RAB4B: variants seen among roughly 807,000 people sequenced by gnomAD.
RAB4B encodes the protein RAB4B, member RAS oncogene family.
RAB4B carries 15 observed loss-of-function variants against 28.3 expected under a neutral mutation model. That is an observed-to-expected ratio of 0.53 (90% CI 0.35 to 0.82). The LOEUF (loss-of-function observed/expected upper bound fraction) is 0.82, where lower values mean the gene tolerates loss of function less well. Among genes scored for constraint, RAB4B ranks in the 40% least tolerant of loss-of-function variants. RAB4B has a pLI of 0.01. For missense variants in RAB4B, 244 were observed against 288.5 expected, an observed-to-expected ratio of 0.85 and a Z score of 1.12; for synonymous variants, 108 against 116.3, an observed-to-expected ratio of 0.93 and a Z score of 0.46.
At chr19:40,779,158 A>G in intron 1 of RAB4B, 1 of 306,164 alleles carries the variant, frequency 3.3e-6, no homozygotes, top group Non-Finnish European at 4.8e-6. Context: ...AACAAGGGCT[A>G]TATCGTAGTC....
At chr19:40,788,364 G>A (rs1440992252) in intron 7 of RAB4B, among the ~76,000 whole-genome samples, 1 of 151,594 alleles carries the variant, frequency 6.6e-6, no homozygotes, top group Non-Finnish European at 1.5e-5. Context: ...TGCACCTGGA[G>A]TCCCAGCTAC....
At chr19:40,784,313 G>T (rs1568492550) in intron 5 of RAB4B, among the ~76,000 whole-genome samples, 1 of 152,134 alleles carries the variant, frequency 6.6e-6, no homozygotes, top group Non-Finnish European at 1.5e-5. Context: ...ACAACACAGT[G>T]AGATCCTATC....
chr19:40,793,175 C>G (rs1267805677), intron 7 of RAB4B, among the ~76,000 whole-genome samples: 2 of 152,122 alleles, frequency 1.3e-5, no homozygotes, highest in African/African-American at 4.8e-5. Flanking sequence ...CTCCATTTCC[C>G]CCAACCCCTA....
rs528247233 is a variant in RAB4B, at chr19:40,787,057, T to C, written c.*15+79T>C. The C allele has an allele frequency of 1.2e-5, 14 of 1,212,358 alleles. No homozygotes were observed. In the African/African-American group the frequency reaches 1.9e-4, roughly 17 times the overall value. The allele number at this position is 1,212,358 out of a possible 1,614,324, so 75.1% of individuals were successfully genotyped here. A position where few individuals can be genotyped will look rare whatever the true frequency, so the allele number is the denominator to read the frequency against. On this transcript the variant is annotated intron_variant, in intron 7 of 7. Transcript: ENST00000357052. Reference sequence around the variant, plus strand: ...ATGGTGTGGAGATAGACACTGAACATGTGATGACAAGAGAAACAGAGTGAG... The same window carrying C: ...ATGGTGTGGAGATAGACACTGAACACGTGATGACAAGAGAAACAGAGTGAG...
intron 7 of RAB4B, chr19:40,792,355 G>C (rs182049591): frequency 6.6e-6 from 1 of 152,342 alleles, no homozygotes; most frequent in East Asian, 1.9e-4. Flanking sequence ...TGATGGTCAA[G>C]ACTTGATCGA....
rs1365003056 is a variant in RAB4B at position 40,780,432 on chromosome 19, G to T, written c.145G>T (p.Val49Leu). Reference sequence around the variant, plus strand: ...AATCGGCGTGGAGTTTGGATCCCGGGTGGTCAACGTGGGTGGGAAGACTGT... The same window carrying T: ...AATCGGCGTGGAGTTTGGATCCCGGTTGGTCAACGTGGGTGGGAAGACTGT... The part of the protein sequence containing the change: ...HTIGVEFGSR[V>L]VNVGGKTVKL... The change falls in exon 3 of 8, where the codon GTG becomes TTG. Residue 49 changes from valine (V) to leucine (L), a missense_variant. Val to Leu is a conservative substitution (Grantham distance 32). Transcript: ENST00000357052. The T allele has an allele frequency of 1.2e-6, 2 of 1,613,682 alleles. No homozygotes were observed. The highest frequency in any genetic ancestry group is 1.7e-6 in the Non-Finnish European group (2 of 1,179,838).
At chr19:40,790,094 C>A (rs1022898906) in intron 7 of RAB4B, among the ~76,000 whole-genome samples, 1 of 152,128 alleles carries the variant, frequency 6.6e-6, no homozygotes, top group African/African-American at 2.4e-5. Flanking sequence ...CTGGCTTATA[C>A]CCTGTGTGGG....
chr19:40,787,300 C>T (rs897435165), intron 7 of RAB4B, among the ~76,000 whole-genome samples: 12 of 151,850 alleles, frequency 7.9e-5, no homozygotes, highest in Non-Finnish European at 1.2e-4. Context: ...TTTGGAAGGC[C>T]GAGGCGGGCG....
chr19:40,788,762 A>C (rs2083127330), intron 7 of RAB4B, among the ~76,000 whole-genome samples: 2 of 136,904 alleles, frequency 1.5e-5, no homozygotes, highest in Admixed American at 1.5e-4. Context: ...AATTTTTTTT[A>C]ATTTTTATAG....
chr19:40,780,674 T>C (rs535051038), intron 3 of RAB4B, among the ~76,000 whole-genome samples, 175 bp downstream of exon 3: 221 of 151,308 alleles, frequency 1.5e-3, no homozygotes, highest in Middle Eastern at 0.01. Flanking sequence ...ACTGGAGAGA[T>C]AAAGAGATGG....
At chr19:40,789,030 T>A (rs1422455835) in intron 7 of RAB4B, among the ~76,000 whole-genome samples, 1 of 151,798 alleles carries the variant, frequency 6.6e-6, no homozygotes, top group Non-Finnish European at 1.5e-5. Flanking sequence ...TCTGCCCGCC[T>A]CGGCCTCTCA....
intron 7 of RAB4B, among the ~76,000 whole-genome samples, chr19:40,787,566 AGATGG>A (rs1368288506): frequency 6.8e-6 from 1 of 147,180 alleles, no homozygotes; most frequent in Non-Finnish European, 1.5e-5. Flanking sequence ...GGTCAGGACC[AGATGG>A]GGAGGCACTG....
chr19:40,787,917 C>G (rs889770433), intron 7 of RAB4B, among the ~76,000 whole-genome samples: 22 of 137,478 alleles, frequency 1.6e-4, no homozygotes, highest in Admixed American at 1.3e-3. Flanking sequence ...AGCCAAGATT[C>G]AGCCACTGCA....
chr19:40,781,273 C>T (rs901043684), intron 3 of RAB4B, among the ~76,000 whole-genome samples: 11 of 146,484 alleles, frequency 7.5e-5, no homozygotes, highest in Admixed American at 4.1e-4. Flanking sequence ...GGTGACAGAG[C>T]GAGACTCTGT....
chr19:40,790,925 G>A (rs2083153454), intron 7 of RAB4B, among the ~76,000 whole-genome samples: 3 of 149,646 alleles, frequency 2.0e-5, no homozygotes, highest in South Asian at 2.1e-4. Context: ...GTGCAGTCTC[G>A]GCTCACTGCA....
chr19:40,780,360 C>T, intron 2 of RAB4B, 25 bp from the exon 3 acceptor site: 1 of 1,573,538 alleles, frequency 6.4e-7, no homozygotes, highest in South Asian at 1.1e-5. Context: ...CCCTGTACTG[C>T]CCCTTCTGTT....
chr19:40,788,559 C>T (rs1408925560), intron 7 of RAB4B, among the ~76,000 whole-genome samples: 5 of 144,076 alleles, frequency 3.5e-5, no homozygotes, highest in Non-Finnish European at 4.5e-5. Flanking sequence ...AAAACAGGCA[C>T]AGATGAGTGG....
chr19:40,788,219 G>A (rs1458939278), intron 7 of RAB4B, among the ~76,000 whole-genome samples: 3 of 152,064 alleles, frequency 2.0e-5, no homozygotes, highest in Non-Finnish European at 4.4e-5. Flanking sequence ...TAAGTCGACT[G>A]GGCGCAGTGG....
chr19:40,790,033 AG>A (rs1568494761), intron 7 of RAB4B, among the ~76,000 whole-genome samples: 3 of 152,316 alleles, frequency 2.0e-5, no homozygotes, highest in East Asian at 3.9e-4. Context: ...AGATGGGGTC[AG>A]GGGTTGGAGG....
Sources: allele counts gnomAD v4.1 joint callset (sites outside exome capture counted in the v4.1 genomes callset), GRCh38; gene constraint gnomAD v4.1.1; transcripts MANE v1.5; gene names NCBI Gene and HGNC (gene_info 2026-07-23, HGNC 2026-07-21).